Variants in CDC14A observed in about 807,000 individuals in gnomAD.
The protein encoded by CDC14A is dual specificity protein phosphatase CDC14A.
In CDC14A, 53 loss-of-function variants were observed where a neutral mutation model predicts 74.4. That is an observed-to-expected ratio of 0.71 (90% CI 0.57 to 0.89). CDC14A has a LOEUF of 0.89. CDC14A is among the 40% of genes least tolerant of loss of function. The probability of loss-of-function intolerance (pLI) is 0.00; values close to 1 mark genes in which losing one functional copy is unlikely to be tolerated. For missense variants in CDC14A, 646 were observed against 713.7 expected (o/e 0.91, Z 1.08); for synonymous variants, 247 against 258.4 (o/e 0.96, Z 0.43).
chr1:100,485,423 C>A, intron 11 of CDC14A: 1 of 550,604 alleles, frequency 1.8e-6, no homozygotes, highest in Non-Finnish European at 2.3e-6. Context: ...ACAAGCTAGG[C>A]AGCGTGATGT....
intron 5 of CDC14A, among the ~76,000 whole-genome samples, chr1:100,427,063 C>G (rs1246758416): frequency 1.3e-5 from 2 of 152,064 alleles, no homozygotes; most frequent in Non-Finnish European, 2.9e-5. Flanking sequence ...AAGAATCATC[C>G]TCATACTAAA....
intron 10 of CDC14A, among the ~76,000 whole-genome samples, chr1:100,473,522 G>T (rs1377959501): frequency 1.3e-5 from 2 of 152,076 alleles, no homozygotes; most frequent in Non-Finnish European, 2.9e-5. Flanking sequence ...AAGTAGCTGG[G>T]ATTACAGGCG....
At chr1:100,479,311 G>A (rs1023474462) in intron 10 of CDC14A, among the ~76,000 whole-genome samples, 1 of 152,062 alleles carries the variant, frequency 6.6e-6, no homozygotes, top group Non-Finnish European at 1.5e-5. Flanking sequence ...TGGGATACAA[G>A]TGGTTATTGG....
intron 5 of CDC14A, among the ~76,000 whole-genome samples, chr1:100,436,550 G>A (rs816175): frequency 1.3e-5 from 2 of 151,782 alleles, no homozygotes; most frequent in Non-Finnish European, 1.5e-5. Context: ...TCAGCCTCCC[G>A]AGTAGCTGGG....
chr1:100,432,703 C>G (rs1163464822), intron 5 of CDC14A, among the ~76,000 whole-genome samples: 1 of 152,068 alleles, frequency 6.6e-6, no homozygotes, highest in Non-Finnish European at 1.5e-5. Context: ...ATTGGATGAG[C>G]AAAATACACT....
At chr1:100,439,034 G>A (rs949333076) in intron 5 of CDC14A, among the ~76,000 whole-genome samples, 1 of 152,178 alleles carries the variant, frequency 6.6e-6, no homozygotes, top group Non-Finnish European at 1.5e-5. Context: ...TAGTGTTAAA[G>A]CTCTGGTGCC....
At chr1:100,436,705 C>CATGA (rs1664385654) in intron 5 of CDC14A, among the ~76,000 whole-genome samples, 1 of 152,166 alleles carries the variant, frequency 6.6e-6, no homozygotes, top group Non-Finnish European at 1.5e-5. Flanking sequence ...GGATTACAGG[C>CATGA]ATGAGCCACT....
At chr1:100,505,415 C>T (rs1303734021) in intron 15 of CDC14A, among the ~76,000 whole-genome samples, 2 of 152,116 alleles carry the variant, frequency 1.3e-5, no homozygotes, top group East Asian at 1.9e-4. Context: ...AGGCAGAATA[C>T]GTATGTGTTT....
chr1:100,465,993 T>A (rs1032060520), intron 9 of CDC14A, among the ~76,000 whole-genome samples: 4 of 152,228 alleles, frequency 2.6e-5, no homozygotes, highest in Non-Finnish European at 5.9e-5. Context: ...GAAATGTTCC[T>A]ATTCAGTTCA....
chr1:100,444,884 G>A (rs1248246510), intron 7 of CDC14A, among the ~76,000 whole-genome samples: 1 of 152,028 alleles, frequency 6.6e-6, no homozygotes, highest in African/African-American at 2.4e-5. Flanking sequence ...TCATAAAGCT[G>A]CTACTTTTCC....
intron 4 of CDC14A, among the ~76,000 whole-genome samples, chr1:100,404,190 CA>C (rs34245613): frequency 1.9e-3 from 257 of 133,386 alleles, no homozygotes; most frequent in Admixed American, 1.9e-3. Context: ...GACTCCGTCT[CA>C]AAAAAAAAAA....
chr1:100,393,961 A>AT (rs1441892116), intron 4 of CDC14A: 152 of 226,354 alleles, frequency 6.7e-4, no homozygotes, highest in South Asian at 9.9e-4. Flanking sequence ...CCGCAAAAAA[A>AT]AATATATATA....
chr1:100,473,990 T>C (rs1181477163), intron 10 of CDC14A, among the ~76,000 whole-genome samples: 1 of 152,184 alleles, frequency 6.6e-6, no homozygotes, highest in African/African-American at 2.4e-5. Flanking sequence ...AGGTTTTCTA[T>C]AGATGTTCTT....
chr1:100,453,205 A>G (rs1040637296), intron 7 of CDC14A, among the ~76,000 whole-genome samples: 2 of 152,044 alleles, frequency 1.3e-5, no homozygotes, highest in Non-Finnish European at 2.9e-5. Flanking sequence ...GAATGAATGT[A>G]TCTTAGGGAT....
At chr1:100,515,021 A>G (rs1370104557) in intron 15 of CDC14A, among the ~76,000 whole-genome samples, 4 of 152,220 alleles carry the variant, frequency 2.6e-5, no homozygotes, top group Admixed American at 2.6e-4. Context: ...AACATTGTAT[A>G]TAGTTGGTAG....
chr1:100,410,046 TA>T (rs1233705943), intron 4 of CDC14A, among the ~76,000 whole-genome samples: 1 of 151,906 alleles, frequency 6.6e-6, no homozygotes, highest in Non-Finnish European at 1.5e-5. Context: ...CTTGTCTGTA[TA>T]AAAAATAAAA....
chr1:100,457,458 T>G (rs1275838638), intron 8 of CDC14A, among the ~76,000 whole-genome samples: 1 of 152,020 alleles, frequency 6.6e-6, no homozygotes, highest in Non-Finnish European at 1.5e-5. Flanking sequence ...TATTTTTGGT[T>G]TTTGCTTTTG....
chr1:100,358,622 T>A (rs1449520102), intron 2 of CDC14A, among the ~76,000 whole-genome samples: 3 of 152,236 alleles, frequency 2.0e-5, no homozygotes, highest in Non-Finnish European at 2.9e-5. Flanking sequence ...TTTAGCATGT[T>A]AAGAATGAGC....
At chr1:100,473,172 A>G (rs1204806053) in intron 10 of CDC14A, among the ~76,000 whole-genome samples, 1 of 151,940 alleles carries the variant, frequency 6.6e-6, no homozygotes, top group Admixed American at 6.6e-5. Flanking sequence ...CATCTTTACT[A>G]TTGTTGAGTC....
Sources: gnomAD v4.1 joint callset for allele counts (sites outside exome capture counted in the v4.1 genomes callset) on GRCh38, gnomAD v4.1.1 for gene constraint, MANE v1.5 for transcripts, NCBI Gene and HGNC (gene_info 2026-07-23, HGNC 2026-07-21) for gene names.